The following PARP8 variants were observed in gnomAD, a reference collection of about 807,000 sequenced individuals.
PARP8 encodes poly(ADP-ribose) polymerase family member 8.
PARP8 carries 51 observed loss-of-function variants against 124.1 expected under a neutral mutation model. The ratio of observed to expected loss-of-function variants is 0.41; its 90% confidence interval spans 0.33 to 0.52. The LOEUF (loss-of-function observed/expected upper bound fraction) is 0.52, where lower values mean the gene tolerates loss of function less well. Among genes scored for constraint, PARP8 ranks in the 20% least tolerant of loss-of-function variants. PARP8 has a pLI of 0.21. For synonymous variants in PARP8, 391 were observed against 361.5 expected (o/e 1.08, Z -0.93); for missense variants, 860 against 1,018.9 (o/e 0.84, Z 2.12).
intron 14 of PARP8, among the ~76,000 whole-genome samples, chr5:50,812,986 G>C (rs544802274): frequency 0.015 from 2,247 of 152,204 alleles, 58 homozygotes; most frequent in African/African-American, 0.052. Flanking sequence ...ATGCTGTTTT[G>C]GTTACTGTAG....
intron 2 of PARP8, among the ~76,000 whole-genome samples, chr5:50,701,530 A>C (rs1483155010): frequency 6.6e-6 from 1 of 152,132 alleles, no homozygotes; most frequent in Non-Finnish European, 1.5e-5. Flanking sequence ...GGCATGCAAT[A>C]TATATGGATT....
intron 8 of PARP8, 62 bp from the exon 9 acceptor site, chr5:50,778,498 T>G (rs1486459074): frequency 1.4e-4 from 172 of 1,268,982 alleles, no homozygotes; most frequent in Middle Eastern, 2.7e-4. Context: ...AGTTTGTGTG[T>G]TTTTTTTTTC....
intron 2 of PARP8, among the ~76,000 whole-genome samples, chr5:50,674,807 G>C (rs1280673453): frequency 6.6e-6 from 1 of 152,182 alleles, no homozygotes; most frequent in African/African-American, 2.4e-5. Flanking sequence ...ACAAAGAGCA[G>C]TTCATTGTAT....
Position 50,797,001 on chromosome 5 carries a change from T to A in PARP8, c.1448T>A (p.Ile483Asn). The part of the protein sequence containing the change: ...SQLAPNGAKC[I>N]PVRDRGFLVQ... ...TTATAGCCAAATGGTGCAAAATGCA[T>A]TCCAGTACGAGACCGTGGCTTCCTG... The change falls in exon 13 of 26, where the codon ATT (isoleucine) becomes AAT (asparagine). Residue 483 changes from isoleucine to asparagine, a missense_variant. Physicochemically the swap from Ile to Asn is moderately radical, Grantham distance 149 (BLOSUM62 -3). Coordinates refer to ENST00000281631, the MANE Select transcript of PARP8 (RefSeq NM_024615.4). The A allele has an allele frequency of 6.2e-7, 1 of 1,611,972 alleles. No homozygotes were observed. Among genetic ancestry groups the A allele is most frequent in the Non-Finnish European group, 8.5e-7 (1 of 1,179,006 alleles).
At chr5:50,821,135 A>G in intron 15 of PARP8, 78 bp from the exon 16 acceptor site, 5 of 1,537,202 alleles carry the variant, frequency 3.3e-6, no homozygotes, top group East Asian at 2.3e-5. Context: ...AACTTATGCT[A>G]CCTTGAGAGG....
intron 2 of PARP8, among the ~76,000 whole-genome samples, chr5:50,697,739 G>A (rs1368419018): frequency 2.6e-5 from 4 of 152,232 alleles, no homozygotes; most frequent in Admixed American, 1.3e-4. Context: ...TGAACTCATG[G>A]CCTTAAGAAG....
At chr5:50,718,293 C>G (rs1300591648) in intron 2 of PARP8, among the ~76,000 whole-genome samples, 4 of 151,934 alleles carry the variant, frequency 2.6e-5, no homozygotes, top group African/African-American at 9.7e-5. Flanking sequence ...AATTATTAAA[C>G]AATACAGGTA....
chr5:50,667,518 C>T, intron 1 of PARP8: 1 of 700,178 alleles, frequency 1.4e-6, no homozygotes, highest in Admixed American at 2.0e-5. Flanking sequence ...TGGGTTCCAG[C>T]AGCGGCGGCA....
At chr5:50,738,879 A>G in intron 2 of PARP8, 1 of 653,306 alleles carries the variant, frequency 1.5e-6, no homozygotes, top group South Asian at 1.6e-5. Context: ...TGTTCATGTA[A>G]TAAAAAATTT....
chr5:50,734,085 A>T (rs1329920355), intron 2 of PARP8, among the ~76,000 whole-genome samples: 1 of 152,212 alleles, frequency 6.6e-6, no homozygotes, highest in Non-Finnish European at 1.5e-5. Flanking sequence ...CTATGATTTA[A>T]TGTTGTTAAA....
At chr5:50,791,759 G>A (rs1343732263) in intron 10 of PARP8, among the ~76,000 whole-genome samples, 1 of 152,092 alleles carries the variant, frequency 6.6e-6, no homozygotes, top group African/African-American at 2.4e-5. Flanking sequence ...AAATATTGCA[G>A]ATCTTCAGTT....
intron 2 of PARP8, among the ~76,000 whole-genome samples, chr5:50,717,083 T>C: frequency 6.6e-6 from 1 of 152,040 alleles, no homozygotes; most frequent in African/African-American, 2.4e-5. Context: ...AAGGAAGCCA[T>C]TGGAAGATTT....
At chr5:50,777,278 C>T (rs1358233117) in intron 7 of PARP8, among the ~76,000 whole-genome samples, 3 of 152,138 alleles carry the variant, frequency 2.0e-5, no homozygotes, top group Non-Finnish European at 4.4e-5. Context: ...CAATTTCTGG[C>T]ACATCAGTGC....
At chr5:50,757,705 A>G (rs1037284306) in intron 3 of PARP8, among the ~76,000 whole-genome samples, 1 of 152,180 alleles carries the variant, frequency 6.6e-6, no homozygotes, top group Admixed American at 6.5e-5. Flanking sequence ...ACTGTCTTCC[A>G]GTGTTGACAC....
chr5:50,667,454 A>G (rs1339622090), intron 1 of PARP8: 2 of 700,424 alleles, frequency 2.9e-6, no homozygotes, highest in East Asian at 2.7e-5. Flanking sequence ...GCGAAGGGGC[A>G]GTGCGTGGTA....
intron 24 of PARP8, 82 bp downstream of exon 24, chr5:50,834,130 C>G: frequency 8.9e-7 from 1 of 1,125,844 alleles, no homozygotes; most frequent in Non-Finnish European, 1.3e-6. Context: ...TTACAGAGTG[C>G]TTACGGTGGA....
chr5:50,746,646 A>G (rs769479848), intron 2 of PARP8, among the ~76,000 whole-genome samples: 95 of 152,204 alleles, frequency 6.2e-4, no homozygotes, highest in Admixed American at 5.2e-4. Flanking sequence ...TTAACCATCC[A>G]AAGGTGTTAC....
At chr5:50,716,343 G>C in intron 2 of PARP8, among the ~76,000 whole-genome samples, 1 of 152,122 alleles carries the variant, frequency 6.6e-6, no homozygotes, top group East Asian at 1.9e-4. Context: ...GCTTTTATTA[G>C]TGATTCATGG....
At chr5:50,691,136 T>G (rs1561250263) in intron 2 of PARP8, among the ~76,000 whole-genome samples, 1 of 152,204 alleles carries the variant, frequency 6.6e-6, no homozygotes, top group Non-Finnish European at 1.5e-5. Flanking sequence ...TCACTTACCT[T>G]TTTCTCACTA....
Sources: allele counts gnomAD v4.1 joint callset (sites outside exome capture counted in the v4.1 genomes callset), GRCh38; gene constraint gnomAD v4.1.1; transcripts MANE v1.5; gene names NCBI Gene and HGNC (gene_info 2026-07-23, HGNC 2026-07-21).